The following FBXO42 variants were observed in gnomAD, a reference collection of about 807,000 sequenced individuals.
FBXO42 encodes the protein F-box protein 42.
Under a neutral mutation model 71.7 loss-of-function variants are expected in FBXO42, and 12 were observed. The ratio of observed to expected loss-of-function variants is 0.17; its 90% CI spans 0.11 to 0.27. The LOEUF (loss-of-function observed/expected upper bound fraction) is 0.27. Among genes scored for constraint, FBXO42 ranks in the 10% least tolerant of loss-of-function variants. The pLI, the probability that FBXO42 is intolerant of heterozygous loss-of-function variation, is 1.00. For missense variants in FBXO42, 707 were observed against 911.9 expected (o/e 0.78, Z 2.89); for synonymous variants, 325 against 327.5 (o/e 0.99, Z 0.08).
intron 1 of FBXO42, among the ~76,000 whole-genome samples, chr1:16,326,042 G>GTGTGTC (rs2082446829): frequency 6.6e-6 from 1 of 150,466 alleles, no homozygotes; most frequent in East Asian, 2.0e-4. Context: ...GTGTGTGTGT[G>GTGTGTC]TGTGTGTCTG....
chr1:16,340,525 G>A (rs2082592864), intron 1 of FBXO42, among the ~76,000 whole-genome samples: 1 of 151,948 alleles, frequency 6.6e-6, no homozygotes. Flanking sequence ...CACCATGTTG[G>A]CCAGGCTGGT....
intron 4 of FBXO42, among the ~76,000 whole-genome samples, chr1:16,284,347 G>T (rs183787454): frequency 5.3e-5 from 8 of 152,226 alleles, no homozygotes; most frequent in African/African-American, 1.9e-4. Flanking sequence ...ACCAGCACCT[G>T]CAATCACATA....
At chr1:16,262,776 C>G (rs2081728550) in intron 4 of FBXO42, among the ~76,000 whole-genome samples, 1 of 152,124 alleles carries the variant, frequency 6.6e-6, no homozygotes, top group Non-Finnish European at 1.5e-5. Flanking sequence ...CGTAATCGAT[C>G]TCAGCTCACT....
In FBXO42 at chr1:16,250,849, G is replaced by A. The variant is rs766842836; in HGVS notation, c.1975C>T (p.Arg659Trp). Residue 659 changes from arginine (R) to tryptophan (W), a missense_variant, in exon 10 of 10, where the codon CGG becomes TGG. Coordinates refer to ENST00000375592, the MANE Select transcript of FBXO42 (RefSeq NM_018994.3). The surrounding 1 kb of genome is among the most constrained non-coding windows in gnomAD (Gnocchi z 4.7). ...LDIKDTKEKG[R>W]VKWKVFNSSS... ...CTATTAAATACTTTCCATTTGACCC[G>A]CCCCTTCTCCTTGGTGTCTTTAATG... 1.1e-5 allele frequency: 18 copies of A among 1,613,952 alleles called. No individual in the cohort carries two copies. The highest frequency in any genetic ancestry group is 1.3e-5 in the African/African-American group (1 of 74,884).
Position 16,251,627 on chromosome 1 carries a change from A to G in FBXO42, c.1197T>C (p.Asp399=). The G allele has an allele frequency of 6.2e-7, 1 of 1,614,192 alleles. No individual in the cohort carries two copies. The highest frequency in any genetic ancestry group is 8.5e-7 in the Non-Finnish European group (1 of 1,180,048). Residue 399 remains aspartate (D), a synonymous_variant, in exon 10 of 10, where the codon GAT becomes GAC. Coordinates refer to ENST00000375592, the MANE Select transcript of FBXO42 (RefSeq NM_018994.3). This position sits in a 1 kb window ranked among gnomAD's most constrained non-coding sequence, Gnocchi z 4.5. ...YRSQSPVRSM[D]EAPCVNGRWG... Reference sequence around the variant, plus strand: ...AGCGGCCGTTAACACAAGGAGCTTCATCCATGCTTCTTACTGGAGACTGAG... The same window carrying G: ...AGCGGCCGTTAACACAAGGAGCTTCGTCCATGCTTCTTACTGGAGACTGAG...
At chr1:16,272,754 A>G (rs2100479508) in intron 4 of FBXO42, among the ~76,000 whole-genome samples, 1 of 152,320 alleles carries the variant, frequency 6.6e-6, no homozygotes, top group East Asian at 1.9e-4. Context: ...TAGTCATCGA[A>G]ATTTGTGTAC....
At chr1:16,286,511 T>G (rs1485695346) in intron 4 of FBXO42, among the ~76,000 whole-genome samples, 10 of 152,120 alleles carry the variant, frequency 6.6e-5, no homozygotes, top group African/African-American at 2.4e-4. Context: ...CATGATCCAA[T>G]TACCTCCACC....
At chr1:16,325,528 C>G (rs2082441976) in intron 1 of FBXO42, among the ~76,000 whole-genome samples, 1 of 152,112 alleles carries the variant, frequency 6.6e-6, no homozygotes. Context: ...TAACAGATAC[C>G]AGCTGCAGTT....
At chr1:16,332,125 C>CT (rs1406588256) in intron 1 of FBXO42, among the ~76,000 whole-genome samples, 6 of 151,962 alleles carry the variant, frequency 3.9e-5, no homozygotes, top group Non-Finnish European at 8.8e-5. Flanking sequence ...TAGTTAGTCA[C>CT]TTCTGATACA....
At chr1:16,299,824 T>C (rs975818800) in intron 3 of FBXO42, among the ~76,000 whole-genome samples, 1 of 152,036 alleles carries the variant, frequency 6.6e-6, no homozygotes, top group African/African-American at 2.4e-5. Context: ...TTTGTATTTT[T>C]GGTAGAGATG....
intron 4 of FBXO42, among the ~76,000 whole-genome samples, chr1:16,291,370 CT>C (rs974875709): frequency 1.6e-3 from 229 of 145,246 alleles, no homozygotes; most frequent in African/African-American, 3.9e-3. Flanking sequence ...TCTCATGGGA[CT>C]TTTTTTTTTT....
At chr1:16,273,614 C>A (rs973782182) in intron 4 of FBXO42, among the ~76,000 whole-genome samples, 10 of 150,620 alleles carry the variant, frequency 6.6e-5, no homozygotes, top group African/African-American at 2.4e-4. Context: ...GGCATGGTGG[C>A]TTATGCCTGT....
chr1:16,334,888 T>A (rs115778934), intron 1 of FBXO42, among the ~76,000 whole-genome samples: 290 of 150,704 alleles, frequency 1.9e-3, no homozygotes, highest in African/African-American at 7.0e-3. Context: ...TTAAATGGAG[T>A]TCTAGAAGGG....
intron 3 of FBXO42, among the ~76,000 whole-genome samples, chr1:16,296,558 G>C (rs534608068): frequency 9.1e-4 from 138 of 150,988 alleles, no homozygotes; most frequent in African/African-American, 3.2e-3. Flanking sequence ...GCTGAGGCAG[G>C]AGAATCGCTT....
intron 4 of FBXO42, among the ~76,000 whole-genome samples, chr1:16,273,899 G>A (rs2081871223): frequency 6.6e-6 from 1 of 151,994 alleles, no homozygotes; most frequent in Non-Finnish European, 1.5e-5. Flanking sequence ...AAAAAAGTGG[G>A]ATATTCATAT....
rs762299136 is a variant in FBXO42 at position 16,252,239 on chromosome 1, C to T, written c.1038+49G>A. ...TAACCTGACAAAGTAATGTGGTTTTCCACAATTTAGGACCTGTCCTCCTGC... is the reference window on the plus strand; with the variant it reads ...TAACCTGACAAAGTAATGTGGTTTTTCACAATTTAGGACCTGTCCTCCTGC... On this transcript the variant is annotated intron_variant, in intron 9 of 9. Transcript: ENST00000375592. This position sits in a 1 kb window ranked among gnomAD's most constrained non-coding sequence, Gnocchi z 4.4. The T allele has an allele frequency of 1.4e-6, 2 of 1,397,424 alleles. No homozygotes were observed. Among genetic ancestry groups the T allele is most frequent in the East Asian group, 2.3e-5 (1 of 43,430 alleles). 86.6% of individuals were successfully genotyped at this position (1,397,424 alleles called of 1,614,324 possible). A position where few individuals can be genotyped will look rare whatever the true frequency, so the allele number is the denominator to read the frequency against.
intron 3 of FBXO42, among the ~76,000 whole-genome samples, chr1:16,302,976 C>G (rs2082211835): frequency 6.6e-6 from 1 of 152,102 alleles, no homozygotes; most frequent in Non-Finnish European, 1.5e-5. Flanking sequence ...GACACAGAGC[C>G]AAACCATATC....
intron 4 of FBXO42, chr1:16,294,579 C>G (rs892874827): frequency 7.2e-6 from 4 of 553,892 alleles, no homozygotes; most frequent in Non-Finnish European, 1.2e-5. Flanking sequence ...GGCAGGGCAC[C>G]ATTACTAATG....
intron 4 of FBXO42, among the ~76,000 whole-genome samples, chr1:16,280,003 C>T (rs2081945795): frequency 6.6e-6 from 1 of 152,010 alleles, no homozygotes; most frequent in African/African-American, 2.4e-5. Flanking sequence ...TGTGTCACCA[C>T]ACCTAGCTAA....
Sources: gnomAD v4.1 joint callset for allele counts (sites outside exome capture counted in the v4.1 genomes callset) on GRCh38, gnomAD v4.1.1 for gene constraint, Gnocchi (gnomAD v3.1) non-coding constraint, MANE v1.5 for transcripts, NCBI Gene and HGNC (gene_info 2026-07-23, HGNC 2026-07-21) for gene names.